DLG2: variants seen among roughly 807,000 people sequenced by gnomAD.
DLG2 encodes disks large homolog 2.
In DLG2, 45 loss-of-function variants were observed where a neutral mutation model predicts 132.5. That is an observed-to-expected ratio of 0.34 (90% CI 0.27 to 0.44). DLG2 has a LOEUF of 0.44. DLG2 is among the 20% of genes least tolerant of loss of function. DLG2 has a pLI of 1.00. For missense variants in DLG2, 1,045 were observed against 1,196.9 expected, an observed-to-expected ratio of 0.87 and a Z score of 1.87; for synonymous variants, 424 against 419.6, an observed-to-expected ratio of 1.01 and a Z score of -0.13.
At chr11:84,453,434 T>C (rs2099056984) in intron 7 of DLG2, among the ~76,000 whole-genome samples, 1 of 151,500 alleles carries the variant, frequency 6.6e-6, no homozygotes, top group Non-Finnish European at 1.5e-5. Context: ...GTAGAAAAGG[T>C]AGTAAGGCTA....
intron 4 of DLG2, among the ~76,000 whole-genome samples, chr11:85,216,926 C>A (rs2082649053): frequency 6.6e-6 from 1 of 152,060 alleles, no homozygotes; most frequent in Non-Finnish European, 1.5e-5. Context: ...GAACTCCTGA[C>A]CTCATGATCT....
chr11:84,608,959 C>T (rs2099590500), intron 6 of DLG2, among the ~76,000 whole-genome samples: 3 of 152,292 alleles, frequency 2.0e-5, no homozygotes, highest in African/African-American at 7.2e-5. Flanking sequence ...GTAAGTGGCA[C>T]AGGGCCATAG....
chr11:85,009,441 A>G (rs927383713), intron 6 of DLG2, among the ~76,000 whole-genome samples: 1 of 152,180 alleles, frequency 6.6e-6, no homozygotes, highest in Non-Finnish European at 1.5e-5. Flanking sequence ...TAAGTTTATC[A>G]GCAACAGTTT....
chr11:84,269,715 G>A (rs559047586), intron 7 of DLG2, among the ~76,000 whole-genome samples: 1 of 152,138 alleles, frequency 6.6e-6, no homozygotes, highest in Non-Finnish European at 1.5e-5. Context: ...ATAGTATTGC[G>A]ACTTCTTTTT....
At chr11:85,069,364 C>A (rs1181929755) in intron 6 of DLG2, among the ~76,000 whole-genome samples, 3 of 152,072 alleles carry the variant, frequency 2.0e-5, no homozygotes, top group Non-Finnish European at 4.4e-5. Context: ...AGTGAACAGG[C>A]AACCTACAGA....
chr11:84,431,114 A>T (rs1260325088), intron 7 of DLG2, among the ~76,000 whole-genome samples: 1 of 152,194 alleles, frequency 6.6e-6, no homozygotes, highest in Non-Finnish European at 1.5e-5. Context: ...TAATTTTTAA[A>T]ATTTATTTTT....
At chr11:85,322,003 GC>G (rs536020639) in intron 3 of DLG2, among the ~76,000 whole-genome samples, 54 of 152,158 alleles carry the variant, frequency 3.5e-4, no homozygotes, top group African/African-American at 1.3e-3. Context: ...ATGTGTGGCA[GC>G]AGTTCCCTAT....
intron 3 of DLG2, among the ~76,000 whole-genome samples, chr11:85,584,339 GGT>G (rs61334060): frequency 0.27 from 38,360 of 144,660 alleles, 5,091 homozygotes; most frequent in East Asian, 0.45. Context: ...AGTATTCCAT[GGT>G]GTGTGTGTGT....
chr11:84,609,936 G>A (rs974954383), intron 6 of DLG2, among the ~76,000 whole-genome samples: 1 of 151,962 alleles, frequency 6.6e-6, no homozygotes, highest in Non-Finnish European at 1.5e-5. Context: ...TATATGTTGG[G>A]GAATAGGTTA....
chr11:84,904,428 T>G (rs2091268974), intron 6 of DLG2, among the ~76,000 whole-genome samples: 1 of 152,212 alleles, frequency 6.6e-6, no homozygotes, highest in Non-Finnish European at 1.5e-5. Flanking sequence ...CACCTCGATA[T>G]TCATGATATG....
At chr11:83,660,287 C>T (rs1479204504) in intron 18 of DLG2, among the ~76,000 whole-genome samples, 6 of 152,110 alleles carry the variant, frequency 3.9e-5, no homozygotes, top group South Asian at 2.1e-4. Context: ...GTGACAGAGA[C>T]GCTATGGAAG....
chr11:85,528,450 A>G (rs1053513847), intron 3 of DLG2, among the ~76,000 whole-genome samples: 1 of 152,312 alleles, frequency 6.6e-6, no homozygotes, highest in Admixed American at 6.5e-5. Context: ...TTCATTCATC[A>G]TTAGGAAAAT....
At chr11:85,394,563 G>T (rs184210471) in intron 3 of DLG2, among the ~76,000 whole-genome samples, 2 of 152,152 alleles carry the variant, frequency 1.3e-5, no homozygotes, top group Non-Finnish European at 2.9e-5. Context: ...CACTAAAGTT[G>T]GTTAGAATAA....
intron 15 of DLG2, among the ~76,000 whole-genome samples, chr11:83,881,525 T>C (rs1478720353): frequency 2.0e-5 from 3 of 152,342 alleles, no homozygotes; most frequent in Non-Finnish European, 2.9e-5. Context: ...TTTACATTTT[T>C]ATTTAAGTCA....
At chr11:83,961,100 A>G (rs2088605582) in intron 14 of DLG2, among the ~76,000 whole-genome samples, 1 of 152,086 alleles carries the variant, frequency 6.6e-6, no homozygotes, top group Non-Finnish European at 1.5e-5. Context: ...AATAGATAAC[A>G]TTCGTTGAGT....
chr11:85,583,126 G>A (rs34664893), intron 3 of DLG2, among the ~76,000 whole-genome samples: 1,182 of 33,272 alleles, frequency 0.036, 10 homozygotes, highest in Middle Eastern at 0.06. Context: ...GTGTGTGTGT[G>A]TGTGTATATA....
chr11:85,525,907 C>T (rs2074707499), intron 3 of DLG2, among the ~76,000 whole-genome samples: 1 of 152,132 alleles, frequency 6.6e-6, no homozygotes, highest in Non-Finnish European at 1.5e-5. Context: ...GAGGATCCGC[C>T]TTTAGTCTTT....
intron 11 of DLG2, among the ~76,000 whole-genome samples, chr11:83,984,800 C>T (rs568974945): frequency 6.6e-6 from 1 of 152,100 alleles, no homozygotes; most frequent in South Asian, 2.1e-4. Context: ...TTGGGATATC[C>T]ATTACCTTAA....
intron 5 of DLG2, among the ~76,000 whole-genome samples, chr11:85,114,523 GGGGAT>G (rs1348672565): frequency 1.3e-5 from 2 of 151,672 alleles, no homozygotes; most frequent in African/African-American, 2.4e-5. Context: ...ACCAGGATTC[GGGGAT>G]TTGCAATGCT....
Sources: gnomAD v4.1 joint callset for allele counts (sites outside exome capture counted in the v4.1 genomes callset) on GRCh38, gnomAD v4.1.1 for gene constraint, MANE v1.5 for transcripts, NCBI Gene and HGNC (gene_info 2026-07-23, HGNC 2026-07-21) for gene names.